The following RAPGEF4 variants were observed in gnomAD, a reference collection of about 807,000 sequenced individuals.
RAPGEF4 encodes the protein Rap guanine nucleotide exchange factor 4.
RAPGEF4 carries 66 observed loss-of-function variants against 147.9 expected under a neutral mutation model. That is an observed-to-expected ratio of 0.45 (90% CI 0.37 to 0.55). The LOEUF is 0.55. RAPGEF4 is among the 20% of genes least tolerant of loss of function. The pLI, the probability that RAPGEF4 is intolerant of heterozygous loss-of-function variation, is 0.00. For synonymous variants in RAPGEF4, 419 were observed against 442.7 expected, an observed-to-expected ratio of 0.95 and a Z score of 0.67; for missense variants, 1,071 against 1,257.3, an observed-to-expected ratio of 0.85 and a Z score of 2.24.
intron 3 of RAPGEF4, among the ~76,000 whole-genome samples, chr2:172,802,071 G>C (rs996145629): frequency 2.0e-5 from 3 of 152,198 alleles, no homozygotes; most frequent in Admixed American, 6.5e-5. Flanking sequence ...AAAATGGTTA[G>C]AACTGACGGT....
At chr2:172,985,292 A>G in intron 11 of RAPGEF4, 141 bp from the exon 12 acceptor site, 1 of 1,139,038 alleles carries the variant, frequency 8.8e-7, no homozygotes, top group Non-Finnish European at 1.3e-6. Flanking sequence ...ATTTTAGATG[A>G]GAGCAGCAGC....
chr2:172,946,647 T>G (rs78309695), intron 6 of RAPGEF4, among the ~76,000 whole-genome samples: 105 of 152,336 alleles, frequency 6.9e-4, no homozygotes, highest in African/African-American at 2.4e-3. Flanking sequence ...CTAAAGACCC[T>G]GTTCAAATCC....
chr2:172,862,420 T>A lies in RAPGEF4; in HGVS notation c.444+47995T>A, dbSNP rs373872819. On this transcript the variant is annotated intron_variant, in intron 4 of 30. Transcript: ENST00000397081. ...GCAGAGACAGCAGCAAGGGCTCACC[T>A]TCCATTCTCTGGTCCCAACTTCAGC... 1.1e-4 allele frequency among the ~76,000 whole-genome samples: 17 copies of A among 152,306 alleles called. No individual in the cohort carries two copies. The East Asian group carries it at 2.9e-3, about 26-fold the overall frequency.
At chr2:172,882,988 T>C (rs1381079085) in intron 4 of RAPGEF4, among the ~76,000 whole-genome samples, 2 of 152,186 alleles carry the variant, frequency 1.3e-5, no homozygotes, top group African/African-American at 4.8e-5. Flanking sequence ...TTTGTTCATT[T>C]CCAATTATCC....
At chr2:172,892,111 G>A (rs1412814354) in intron 4 of RAPGEF4, among the ~76,000 whole-genome samples, 1 of 152,166 alleles carries the variant, frequency 6.6e-6, no homozygotes, top group Non-Finnish European at 1.5e-5. Flanking sequence ...TGGCAGTAAG[G>A]GGAGAGGGTA....
chr2:173,051,190 G>T (rs1686193810), intron 30 of RAPGEF4, among the ~76,000 whole-genome samples: 1 of 152,192 alleles, frequency 6.6e-6, no homozygotes, highest in African/African-American at 2.4e-5. Flanking sequence ...TAGTCTCACT[G>T]GCTTGCTTCA....
chr2:172,739,733 T>G (rs1173333611), intron 1 of RAPGEF4, among the ~76,000 whole-genome samples: 2 of 152,220 alleles, frequency 1.3e-5, no homozygotes, highest in African/African-American at 2.4e-5. Context: ...ACTGTGAACT[T>G]CAGATCCACT....
intron 6 of RAPGEF4, among the ~76,000 whole-genome samples, chr2:172,924,884 A>T (rs1685119693): frequency 6.6e-6 from 1 of 152,202 alleles, no homozygotes; most frequent in African/African-American, 2.4e-5. Flanking sequence ...GATTATTTGT[A>T]GAAAAAAAAA....
chr2:172,837,934 C>T (rs1320189519), intron 4 of RAPGEF4, among the ~76,000 whole-genome samples: 2 of 152,160 alleles, frequency 1.3e-5, no homozygotes, highest in Non-Finnish European at 2.9e-5. Flanking sequence ...CTCACCAACA[C>T]TTAGGAAAAA....
chr2:172,979,164 T>G (rs567722523), intron 10 of RAPGEF4, among the ~76,000 whole-genome samples: 3 of 152,336 alleles, frequency 2.0e-5, no homozygotes, highest in Non-Finnish European at 4.4e-5. Flanking sequence ...AATTAACTAT[T>G]TGCCATGAAA....
chr2:172,802,215 T>C (rs1186737103), intron 3 of RAPGEF4, among the ~76,000 whole-genome samples: 1 of 152,228 alleles, frequency 6.6e-6, no homozygotes, highest in Non-Finnish European at 1.5e-5. Context: ...TATTTTATGC[T>C]ATACATTTAT....
intron 1 of RAPGEF4, among the ~76,000 whole-genome samples, chr2:172,778,735 T>C (rs1684407359): frequency 6.6e-6 from 1 of 152,222 alleles, no homozygotes; most frequent in Non-Finnish European, 1.5e-5. Flanking sequence ...AGTACATAAA[T>C]AGTGTAATAC....
At chr2:172,945,594 G>A (rs1048919995) in intron 6 of RAPGEF4, among the ~76,000 whole-genome samples, 2 of 151,980 alleles carry the variant, frequency 1.3e-5, no homozygotes, top group African/African-American at 2.4e-5. Context: ...TCAATCGAGT[G>A]CATTATTTTT....
At chr2:173,022,026 C>G (rs981621333) in intron 23 of RAPGEF4, among the ~76,000 whole-genome samples, 2 of 151,992 alleles carry the variant, frequency 1.3e-5, no homozygotes, top group Admixed American at 1.3e-4. Flanking sequence ...ATAAATATTT[C>G]TCAATACTGA....
At chr2:172,914,660 G>T (rs1230289503) in intron 4 of RAPGEF4, among the ~76,000 whole-genome samples, 1 of 151,036 alleles carries the variant, frequency 6.6e-6, no homozygotes, top group East Asian at 1.9e-4. Context: ...AAGAAAGAGG[G>T]AGAAAGAAAA....
chr2:173,026,845 T>C (rs2105953462), intron 24 of RAPGEF4, 148 bp downstream of exon 24: 9 of 1,182,386 alleles, frequency 7.6e-6, no homozygotes, highest in Non-Finnish European at 9.4e-6. Context: ...TAAAGCATGC[T>C]ATAAAGCCTT....
intron 29 of RAPGEF4, among the ~76,000 whole-genome samples, chr2:173,037,313 T>C (rs1375498379): frequency 6.6e-6 from 1 of 152,152 alleles, no homozygotes. Context: ...CTCAAACTCC[T>C]GGGCTCAAGC....
At chr2:172,797,388 C>G (rs1243541330) in intron 2 of RAPGEF4, 137 bp from the exon 3 acceptor site, 6 of 612,244 alleles carry the variant, frequency 9.8e-6, no homozygotes, top group Non-Finnish European at 1.7e-5. Context: ...ATGTTATGTT[C>G]CTGTGGGCAA....
intron 6 of RAPGEF4, among the ~76,000 whole-genome samples, chr2:172,951,591 C>A (rs1575349752): frequency 6.6e-6 from 1 of 152,020 alleles, no homozygotes; most frequent in African/African-American, 2.4e-5. Flanking sequence ...ACAGAGCAGG[C>A]CTCTCCAAGA....
Sources: gnomAD v4.1 joint callset for allele counts (sites outside exome capture counted in the v4.1 genomes callset) on GRCh38, gnomAD v4.1.1 for gene constraint, MANE v1.5 for transcripts, NCBI Gene and HGNC (gene_info 2026-07-23, HGNC 2026-07-21) for gene names.